PDE8B: variants seen among roughly 807,000 people sequenced by gnomAD.
The protein encoded by PDE8B is phosphodiesterase 8B.
A neutral mutation model predicts 101.3 loss-of-function variants in PDE8B; 26 were observed. The observed-to-expected ratio is 0.26, with a 90% confidence interval of 0.19 to 0.36. PDE8B has a LOEUF of 0.36. Among genes scored for constraint, PDE8B ranks in the 10% least tolerant of loss-of-function variants. PDE8B has a pLI of 1.00. For missense variants in PDE8B, 810 were observed against 1,163.1 expected (o/e 0.70, Z 4.42); for synonymous variants, 424 against 429.3 (o/e 0.99, Z 0.15).
chr5:77,157,243 G>C, the PDE8B span, among the ~76,000 whole-genome samples: 1 of 152,144 alleles, frequency 6.6e-6, no homozygotes, highest in Non-Finnish European at 1.5e-5. Context: ...GGTATGAAAG[G>C]CTTCCCAGGG....
rs1581623268 is a variant in PDE8B at position 77,421,836 on chromosome 5, T to G, written c.2266T>G (p.Cys756Gly). The change falls in exon 20 of 22, where the codon TGT (cysteine) becomes GGT (glycine). Residue 756 changes from cysteine to glycine, a missense_variant. Cys to Gly is a radical substitution (Grantham distance 159). This residue lies in a region of PDE8B where 325 missense variants were observed against 560.9 expected (regional missense o/e 0.58). Coordinates refer to ENST00000264917, the MANE Select transcript of PDE8B (RefSeq NM_003719.5). Reference protein sequence around the residue: ...PMAAEIEGSDCECNPAGKNFP... With the variant: ...PMAAEIEGSDGECNPAGKNFP... ...TGTTTTCCAGATTGAAGGCAGCGACTGTGAATGCAACCCTGCTGGGAAGAA... is the reference window on the plus strand; with the variant it reads ...TGTTTTCCAGATTGAAGGCAGCGACGGTGAATGCAACCCTGCTGGGAAGAA... The G allele has an allele frequency of 5.6e-6, 9 of 1,614,044 alleles. No individual in the cohort carries two copies. The East Asian group carries it at 2.0e-4, about 36-fold the overall frequency.
chr5:77,165,881 C>T, the PDE8B span, among the ~76,000 whole-genome samples: 12,186 of 150,756 alleles, frequency 0.081, 592 homozygotes, highest in African/African-American at 0.14. Context: ...TGGTGCATGC[C>T]TGTAATCCCA....
chr5:77,299,061 A>G (rs1012693923), intron 1 of PDE8B, among the ~76,000 whole-genome samples: 3 of 152,168 alleles, frequency 2.0e-5, no homozygotes, highest in African/African-American at 7.2e-5. Context: ...GTAGCTTTGT[A>G]TGTCTCCTGG....
intron 10 of PDE8B, among the ~76,000 whole-genome samples, chr5:77,383,887 TGTAGTATAGTTTGAAGTCAG>T (rs1198637408): frequency 1.3e-5 from 2 of 152,194 alleles, no homozygotes; most frequent in African/African-American, 4.8e-5. Context: ...ACTGTAGCCT[TGTAGTATAGTTTGAAGTCAG>T]GTAGCATGAT....
the PDE8B span, among the ~76,000 whole-genome samples, chr5:77,091,058 C>A: frequency 2.6e-5 from 4 of 152,202 alleles, no homozygotes; most frequent in Non-Finnish European, 5.9e-5. Context: ...CCCCATTTCT[C>A]TAATCTTCAC....
At chr5:77,306,930 T>C (rs1381893947) in intron 1 of PDE8B, among the ~76,000 whole-genome samples, 1 of 152,252 alleles carries the variant, frequency 6.6e-6, no homozygotes, top group Non-Finnish European at 1.5e-5. Flanking sequence ...TAGTTCCTAC[T>C]CATAGTGGTG....
chr5:77,323,425 A>G (rs946714594), intron 2 of PDE8B, among the ~76,000 whole-genome samples: 2 of 152,214 alleles, frequency 1.3e-5, no homozygotes, highest in Non-Finnish European at 2.9e-5. Context: ...GGAGGTTTAG[A>G]TATGAAATGA....
At chr5:77,348,795 G>A (rs1780585822) in intron 7 of PDE8B, among the ~76,000 whole-genome samples, 1 of 152,148 alleles carries the variant, frequency 6.6e-6, no homozygotes, top group Non-Finnish European at 1.5e-5. Flanking sequence ...TGATCCTTCT[G>A]CCTCAGCCTC....
intron 5 of PDE8B, among the ~76,000 whole-genome samples, chr5:77,333,781 C>T (rs1246334595): frequency 1.3e-5 from 2 of 152,260 alleles, no homozygotes; most frequent in South Asian, 4.1e-4. Flanking sequence ...TTCCTTCTTA[C>T]ACATTTTACA....
At chr5:77,383,655 G>A (rs1787966885) in intron 10 of PDE8B, among the ~76,000 whole-genome samples, 1 of 151,462 alleles carries the variant, frequency 6.6e-6, no homozygotes, top group Admixed American at 6.6e-5. Flanking sequence ...GTTAATTTTT[G>A]TATAAAGTGT....
chr5:77,105,358 A>G, the PDE8B span: 1 of 152,222 alleles, frequency 6.6e-6, no homozygotes, highest in African/African-American at 2.4e-5. Context: ...ATTGCTTAAT[A>G]AATTATGTGA....
At chr5:77,346,102 A>C (rs1367017696) in intron 7 of PDE8B, among the ~76,000 whole-genome samples, 2 of 152,226 alleles carry the variant, frequency 1.3e-5, no homozygotes, top group African/African-American at 4.8e-5. Context: ...CTTAGTAATA[A>C]GTATCAGAAC....
At chr5:77,161,936 T>C in the PDE8B span, among the ~76,000 whole-genome samples, 2 of 152,020 alleles carry the variant, frequency 1.3e-5, no homozygotes, top group Non-Finnish European at 2.9e-5. Context: ...AGGTATCCTT[T>C]CAAATGTTTT....
chr5:77,098,983 T>G, the PDE8B span, among the ~76,000 whole-genome samples: 71 of 152,346 alleles, frequency 4.7e-4, no homozygotes, highest in African/African-American at 1.7e-3. Context: ...ACTGTTGCAC[T>G]GGGGAATTAA....
intron 10 of PDE8B, among the ~76,000 whole-genome samples, chr5:77,359,027 A>G (rs894671680): frequency 6.6e-6 from 1 of 152,128 alleles, no homozygotes; most frequent in East Asian, 1.9e-4. Context: ...TTCCTGAGAA[A>G]CCACGTTTGG....
chr5:77,322,087 G>A (rs979288807), intron 2 of PDE8B, among the ~76,000 whole-genome samples: 1 of 152,138 alleles, frequency 6.6e-6, no homozygotes, highest in Non-Finnish European at 1.5e-5. Context: ...GGTTAGGCTA[G>A]GCTAGTCGGA....
chr5:77,378,930 TGTG>T (rs756292159), intron 10 of PDE8B, among the ~76,000 whole-genome samples: 4 of 152,218 alleles, frequency 2.6e-5, no homozygotes, highest in Admixed American at 6.5e-5. Context: ...AGTTATGAAG[TGTG>T]GTGGTTCTTA....
chr5:77,196,651 T>C, the PDE8B span, among the ~76,000 whole-genome samples: 1 of 152,196 alleles, frequency 6.6e-6, no homozygotes, highest in Non-Finnish European at 1.5e-5. Flanking sequence ...ACTTTTCCTT[T>C]TTTGCAAAAT....
chr5:77,411,786 C>G (rs895325111), intron 15 of PDE8B, 65 bp downstream of exon 15: 1 of 1,248,468 alleles, frequency 8.0e-7, no homozygotes, highest in African/African-American at 1.5e-5. Flanking sequence ...CCCGCTGTTG[C>G]GATTATTGTT....
Sources: gnomAD v4.1 joint callset for allele counts (sites outside exome capture counted in the v4.1 genomes callset) on GRCh38, gnomAD v4.1.1 for gene constraint, gnomAD v4.1.1 regional missense constraint, MANE v1.5 for transcripts, NCBI Gene and HGNC (gene_info 2026-07-23, HGNC 2026-07-21) for gene names.